BNC2: variants seen among roughly 807,000 people sequenced by gnomAD.
BNC2 encodes the protein basonuclin zinc finger protein 2.
In BNC2, 20 loss-of-function variants were observed where a neutral mutation model predicts 76.3. The ratio of observed to expected loss-of-function variants is 0.26; its 90% confidence interval spans 0.18 to 0.38. BNC2 has a LOEUF of 0.38. Among genes scored for constraint, BNC2 ranks in the 10% least tolerant of loss-of-function variants. The pLI, the probability that BNC2 is intolerant of heterozygous loss-of-function variation, is 1.00. For synonymous variants in BNC2, 582 were observed against 514.8 expected, an observed-to-expected ratio of 1.13 and a Z score of -1.77; for missense variants, 1,382 against 1,399.8, an observed-to-expected ratio of 0.99 and a Z score of 0.20.
At chr9:16,516,709 GACT>G (rs1382086579) in intron 5 of BNC2, among the ~76,000 whole-genome samples, 1 of 151,646 alleles carries the variant, frequency 6.6e-6, no homozygotes, top group Non-Finnish European at 1.5e-5. Flanking sequence ...AATCTCTTAA[GACT>G]AATAGGAGAC....
chr9:16,427,601 G>A (rs1339163719), intron 6 of BNC2, among the ~76,000 whole-genome samples: 1 of 152,220 alleles, frequency 6.6e-6, no homozygotes, highest in East Asian at 1.9e-4. Context: ...AGAAACTAAT[G>A]TAGTCATTTA....
Position 16,468,390 on chromosome 9 carries a change from AT to A in BNC2, c.670-30867del, listed in dbSNP as rs200633542. 3.2e-3 allele frequency among the ~76,000 whole-genome samples: 477 copies of A among 150,034 alleles called. 2 individuals are homozygous for A. The highest frequency in any genetic ancestry group is 0.011 in the African/African-American group (440 of 40,756). ...TAGGTATTTTATATGCAGTATCTTT[AT>A]TTTTTTTTATTTTTTATTTTTTTGA... On this transcript the variant is annotated intron_variant, in intron 5 of 6. Transcript: ENST00000380672.
intron 1 of BNC2, among the ~76,000 whole-genome samples, chr9:16,835,859 A>T (rs532542508): frequency 6.6e-6 from 1 of 152,338 alleles, no homozygotes; most frequent in East Asian, 1.9e-4. Context: ...TGGCGTCTAA[A>T]GTTGAATTGT....
At chr9:16,578,372 AC>A (rs1338589652) in intron 4 of BNC2, among the ~76,000 whole-genome samples, 1 of 152,208 alleles carries the variant, frequency 6.6e-6, no homozygotes, top group Admixed American at 6.5e-5. Flanking sequence ...CAAATATTAA[AC>A]AATAAAAATG....
intron 4 of BNC2, among the ~76,000 whole-genome samples, chr9:16,568,738 G>C (rs1190574333): frequency 6.6e-6 from 1 of 152,078 alleles, no homozygotes; most frequent in African/African-American, 2.4e-5. Context: ...CATTAATATA[G>C]GGCAATGATG....
intron 5 of BNC2, among the ~76,000 whole-genome samples, chr9:16,509,647 A>G (rs1485398867): frequency 2.6e-5 from 4 of 152,252 alleles, no homozygotes; most frequent in African/African-American, 9.6e-5. Flanking sequence ...TGAAGGCTTC[A>G]AAGATCTATT....
At chr9:16,844,583 C>T (rs1051448040) in intron 1 of BNC2, among the ~76,000 whole-genome samples, 12 of 151,006 alleles carry the variant, frequency 7.9e-5, no homozygotes, top group Non-Finnish European at 1.2e-4. Context: ...CTGCAACCTC[C>T]GCCTACCAGG....
chr9:16,555,427 T>C (rs1226875665), intron 4 of BNC2, among the ~76,000 whole-genome samples: 2 of 152,176 alleles, frequency 1.3e-5, no homozygotes, highest in African/African-American at 2.4e-5. Context: ...CTAGATATGC[T>C]TTCGAGAACA....
intron 3 of BNC2, among the ~76,000 whole-genome samples, chr9:16,714,216 C>T (rs1011644269): frequency 6.6e-6 from 1 of 152,196 alleles, no homozygotes; most frequent in Non-Finnish European, 1.5e-5. Context: ...GAAATGAATG[C>T]TTTGAAATAG....
chr9:16,797,201 A>G (rs561117579), intron 1 of BNC2, among the ~76,000 whole-genome samples: 147 of 152,192 alleles, frequency 9.7e-4, no homozygotes, highest in African/African-American at 3.3e-3. Flanking sequence ...TACTACTATT[A>G]TCCCCAAAAA....
At chr9:16,573,674 G>T (rs772596671) in intron 4 of BNC2, among the ~76,000 whole-genome samples, 3 of 152,094 alleles carry the variant, frequency 2.0e-5, no homozygotes, top group African/African-American at 4.8e-5. Context: ...GATCTCCCTG[G>T]GTACCAGGGA....
chr9:16,691,025 G>C (rs889708126), intron 3 of BNC2, among the ~76,000 whole-genome samples: 3 of 152,060 alleles, frequency 2.0e-5, no homozygotes, highest in African/African-American at 7.2e-5. Context: ...AATTACAGGA[G>C]ATTTTTCACA....
intron 5 of BNC2, among the ~76,000 whole-genome samples, chr9:16,478,581 T>C (rs1050579347): frequency 6.6e-6 from 1 of 152,248 alleles, no homozygotes; most frequent in Non-Finnish European, 1.5e-5. Flanking sequence ...TCTGATCTTA[T>C]TCTTCAATGA....
chr9:16,805,469 G>A (rs111426157), intron 1 of BNC2, among the ~76,000 whole-genome samples: 1 of 152,012 alleles, frequency 6.6e-6, no homozygotes, highest in Non-Finnish European at 1.5e-5. Flanking sequence ...TGGGATTACA[G>A]GCGCGTGCCA....
At chr9:16,723,501 T>TG (rs5896702) in intron 3 of BNC2, among the ~76,000 whole-genome samples, 474 of 149,680 alleles carry the variant, frequency 3.2e-3, no homozygotes, top group Admixed American at 5.1e-3. Context: ...TCAAAAAAAT[T>TG]GGGGGGGGGG....
At chr9:16,637,214 C>T (rs963529331) in intron 3 of BNC2, among the ~76,000 whole-genome samples, 11 of 152,148 alleles carry the variant, frequency 7.2e-5, no homozygotes, top group Admixed American at 1.3e-4. Flanking sequence ...TATATGAGCT[C>T]TTACAGGAAA....
intron 4 of BNC2, among the ~76,000 whole-genome samples, chr9:16,580,761 C>T (rs966875242): frequency 1.3e-5 from 2 of 152,156 alleles, no homozygotes; most frequent in African/African-American, 4.8e-5. Flanking sequence ...CTTTGTTCAA[C>T]GACTGGCCTC....
At chr9:16,457,782 C>T (rs1434715394) in intron 5 of BNC2, among the ~76,000 whole-genome samples, 1 of 152,210 alleles carries the variant, frequency 6.6e-6, no homozygotes, top group East Asian at 1.9e-4. Context: ...CTCCCAAAAT[C>T]CAAGTTCCTG....
chr9:16,518,718 A>G (rs1382491600), intron 5 of BNC2, among the ~76,000 whole-genome samples: 2 of 151,988 alleles, frequency 1.3e-5, no homozygotes, highest in Admixed American at 1.3e-4. Context: ...CTCCTGCCTC[A>G]GCCTCCTGAG....
Sources: allele counts gnomAD v4.1 joint callset (sites outside exome capture counted in the v4.1 genomes callset), GRCh38; gene constraint gnomAD v4.1.1; transcripts MANE v1.5; gene names NCBI Gene and HGNC (gene_info 2026-07-23, HGNC 2026-07-21).